Variants in TENM4 observed in about 807,000 individuals in gnomAD.
TENM4 encodes teneurin-4.
In TENM4, 82 loss-of-function variants were observed where a neutral mutation model predicts 243.3. The ratio of observed to expected loss-of-function variants is 0.34; its 90% CI spans 0.28 to 0.40. The LOEUF is 0.40. Ranked by LOEUF, TENM4 falls within the 10% of genes least tolerant of loss-of-function variation. The probability of loss-of-function intolerance (pLI) is 1.00; values close to 1 mark genes in which losing one functional copy is unlikely to be tolerated. For synonymous variants in TENM4, 1,412 were observed against 1,456.3 expected (o/e 0.97, Z 0.69); for missense variants, 3,138 against 3,673.3 (o/e 0.85, Z 3.77).
intron 3 of TENM4, among the ~76,000 whole-genome samples, chr11:79,209,634 G>A (rs1275414530): frequency 6.6e-6 from 1 of 152,200 alleles, no homozygotes; most frequent in African/African-American, 2.4e-5. Context: ...TGCAATCACA[G>A]GGAAGCAGAA....
chr11:79,307,164 T>C (rs1230005303), intron 1 of TENM4, among the ~76,000 whole-genome samples: 2 of 152,154 alleles, frequency 1.3e-5, no homozygotes, highest in African/African-American at 4.8e-5. Context: ...CCCAGTTTTA[T>C]AGTTGAGGAC....
intron 1 of TENM4, among the ~76,000 whole-genome samples, chr11:79,371,181 A>G (rs547195491): frequency 1.3e-5 from 2 of 152,360 alleles, no homozygotes; most frequent in Admixed American, 1.3e-4. Context: ...TAGAGGATAC[A>G]GGTGGCTTCA....
At chr11:78,879,650 G>A (rs10899574) in intron 9 of TENM4, among the ~76,000 whole-genome samples, 43,941 of 106,490 alleles carry the variant, frequency 0.41, 10,143 homozygotes, top group East Asian at 0.68. Flanking sequence ...GCCTCTGCCC[G>A]GCCGCCACAC....
chr11:78,717,894 G>A (rs746894872), intron 25 of TENM4, among the ~76,000 whole-genome samples: 2 of 152,174 alleles, frequency 1.3e-5, no homozygotes, highest in Non-Finnish European at 2.9e-5. Context: ...GCTCTGGGAC[G>A]AGGCAAAGAT....
chr11:78,906,916 C>G (rs1856076506), intron 6 of TENM4, among the ~76,000 whole-genome samples: 1 of 152,174 alleles, frequency 6.6e-6, no homozygotes, highest in African/African-American at 2.4e-5. Context: ...CCTGAGCTGT[C>G]AGTGCAAGCA....
At chr11:78,660,302 T>C (rs1478575167) in intron 33 of TENM4, among the ~76,000 whole-genome samples, 2 of 152,166 alleles carry the variant, frequency 1.3e-5, no homozygotes, top group African/African-American at 2.4e-5. Flanking sequence ...AATGGGGAAA[T>C]GTCTGGGCTG....
At chr11:78,763,548 G>A (rs1856477033) in intron 18 of TENM4, among the ~76,000 whole-genome samples, 1 of 152,234 alleles carries the variant, frequency 6.6e-6, no homozygotes, top group African/African-American at 2.4e-5. Context: ...TCTGGCTGGA[G>A]GATGAAGGCC....
Position 78,771,030 on chromosome 11 carries a change from A to G in TENM4, c.2501T>C (p.Met834Thr). The G allele has an allele frequency of 6.3e-7, 1 of 1,584,022 alleles. No individual in the cohort carries two copies. Among genetic ancestry groups the G allele is most frequent in the South Asian group, 1.2e-5 (1 of 86,072 alleles). ...GWRGAGCDTS[M>T]ETACGDSKDN... is the part of the protein sequence containing the mutation. ...TTTGCTGTCACCGCAGGCAGTCTCCATGGAAGTGTCACAGCCAGCTCCTCT... is the reference window on the plus strand; with the variant it reads ...TTTGCTGTCACCGCAGGCAGTCTCCGTGGAAGTGTCACAGCCAGCTCCTCT... Residue 834 changes from methionine (M) to threonine (T), a missense_variant, in exon 18 of 34, where the codon ATG becomes ACG. Met to Thr is a moderately conservative substitution (Grantham distance 81). This residue lies in a region of TENM4 where 2,467 missense variants were observed against 3,059.1 expected (regional missense o/e 0.81). Transcript: ENST00000278550.
intron 19 of TENM4, among the ~76,000 whole-genome samples, chr11:78,742,210 G>A (rs534810679): frequency 2.7e-4 from 41 of 152,244 alleles, no homozygotes; most frequent in Non-Finnish European, 3.8e-4. Context: ...GATAAGCACG[G>A]GATGCTGCTC....
intron 6 of TENM4, among the ~76,000 whole-genome samples, chr11:79,033,711 A>G (rs1283274215): frequency 6.6e-6 from 1 of 152,238 alleles, no homozygotes. Context: ...TAACATGGAC[A>G]CTAGTAAAAG....
chr11:79,246,084 G>A (rs1246403691), intron 2 of TENM4, among the ~76,000 whole-genome samples: 1 of 152,012 alleles, frequency 6.6e-6, no homozygotes, highest in Non-Finnish European at 1.5e-5. Flanking sequence ...ATTTCAGGCT[G>A]AAATTCCAGG....
intron 1 of TENM4, among the ~76,000 whole-genome samples, chr11:79,307,563 C>A (rs1480254578): frequency 6.6e-6 from 1 of 152,166 alleles, no homozygotes; most frequent in African/African-American, 2.4e-5. Flanking sequence ...CCACAATGGC[C>A]TCCCAACCAG....
At chr11:79,364,935 C>T (rs1430977113) in intron 1 of TENM4, among the ~76,000 whole-genome samples, 2 of 152,168 alleles carry the variant, frequency 1.3e-5, no homozygotes, top group Non-Finnish European at 2.9e-5. Context: ...AGATACATTG[C>T]TTTTTCTTTA....
intron 20 of TENM4, among the ~76,000 whole-genome samples, chr11:78,734,262 A>C (rs1855737282): frequency 6.6e-6 from 1 of 152,162 alleles, no homozygotes; most frequent in Non-Finnish European, 1.5e-5. Context: ...TCTCTTCTTA[A>C]AACAGAAAGT....
intron 1 of TENM4, among the ~76,000 whole-genome samples, chr11:79,388,818 A>C (rs956006956): frequency 6.6e-6 from 1 of 152,226 alleles, no homozygotes. Flanking sequence ...AGTGACTCCA[A>C]AACTGGAGAG....
At chr11:78,982,099 C>T (rs976782341) in intron 6 of TENM4, among the ~76,000 whole-genome samples, 2 of 152,114 alleles carry the variant, frequency 1.3e-5, no homozygotes, top group African/African-American at 2.4e-5. Flanking sequence ...TAATAATATC[C>T]GCTTTGCAGA....
intron 3 of TENM4, among the ~76,000 whole-genome samples, chr11:79,167,734 C>G (rs1862946708): frequency 6.6e-6 from 1 of 152,166 alleles, no homozygotes; most frequent in Non-Finnish European, 1.5e-5. Flanking sequence ...AGTCAGGACA[C>G]AGAGAGAGAC....
intron 6 of TENM4, among the ~76,000 whole-genome samples, chr11:78,977,665 C>T (rs896033645): frequency 5.3e-5 from 8 of 152,206 alleles, no homozygotes; most frequent in East Asian, 1.9e-4. Context: ...TACCATCTCA[C>T]GCCAGTTAGA....
chr11:78,686,026 T>C (rs1205920251), intron 29 of TENM4, among the ~76,000 whole-genome samples: 6 of 152,220 alleles, frequency 3.9e-5, no homozygotes, highest in African/African-American at 7.2e-5. Context: ...TCTGACCTTC[T>C]CCTGCCCTCC....
Sources: gnomAD v4.1 joint callset for allele counts (sites outside exome capture counted in the v4.1 genomes callset) on GRCh38, gnomAD v4.1.1 for gene constraint, gnomAD v4.1.1 regional missense constraint, MANE v1.5 for transcripts, NCBI Gene and HGNC (gene_info 2026-07-23, HGNC 2026-07-21) for gene names.